Variants in BRCA2 observed in about 807,000 individuals in gnomAD.
BRCA2 encodes the protein BRCA2 DNA repair associated, also known as breast cancer type 2 susceptibility protein.
A neutral mutation model predicts 276.7 loss-of-function variants in BRCA2; 203 were observed. The ratio of observed to expected loss-of-function variants is 0.73; its 90% CI spans 0.65 to 0.82. The LOEUF is 0.82. Ranked by LOEUF, BRCA2 falls within the 40% of genes least tolerant of loss-of-function variation. The pLI is 0.00. For synonymous variants in BRCA2, 1,289 were observed against 1,338.4 expected, an observed-to-expected ratio of 0.96 and a Z score of 0.81; for missense variants, 3,920 against 3,915.0, an observed-to-expected ratio of 1.00 and a Z score of -0.03.
intron 18 of BRCA2, among the ~76,000 whole-genome samples, chr13:32,365,304 C>T (rs1329850209): frequency 2.7e-5 from 4 of 150,920 alleles, no homozygotes; most frequent in Non-Finnish European, 5.9e-5. Context: ...ACCTGGCCTG[C>T]GGTGCTGTTT....
Position 32,363,368 on chromosome 13 carries a change from A to C in BRCA2, c.8166A>C (p.Thr2722=), listed in dbSNP as rs786201640. 1.9e-6 allele frequency: 3 copies of C among 1,614,194 alleles called. No homozygotes were observed. The highest frequency in any genetic ancestry group is 2.5e-6 in the Non-Finnish European group (3 of 1,180,030). The change falls in exon 18 of 27, where the codon ACA becomes ACC. Residue 2722 remains threonine (T), a synonymous_variant. Coordinates refer to ENST00000380152, the MANE Select transcript of BRCA2 (RefSeq NM_000059.4). ...DTQKVAIIEL[T]DGWYAVKAQL... ...AAAAAGTGGCCATTATTGAACTTAC[A>C]GATGGGTGGTATGCTGTTAAGGCCC... is the stretch of plus-strand genomic sequence containing the variant.
At chr13:32,324,955 A>G (rs1464345712) in intron 3 of BRCA2, 121 bp from the exon 4 acceptor site, 1 of 711,326 alleles carries the variant, frequency 1.4e-6, no homozygotes. Context: ...CTCTTCTTAC[A>G]ACTCCCTATA....
intron 21 of BRCA2, 43 bp downstream of exon 21, chr13:32,376,834 C>T (rs1336175795): frequency 1.9e-6 from 3 of 1,609,620 alleles, no homozygotes; most frequent in African/African-American, 1.3e-5. Context: ...GATGATTATT[C>T]AAGGTGAGAA....
chr13:32,398,113 TTA>T, intron 26 of BRCA2, 47 bp from the exon 27 acceptor site: 1 of 1,553,278 alleles, frequency 6.4e-7, no homozygotes, highest in Non-Finnish European at 8.7e-7. Context: ...ATTTAGTTTT[TTA>T]TGTTACTACA....
At chr13:32,327,981 C>T (rs546129217) in intron 7 of BRCA2, among the ~76,000 whole-genome samples, 5 of 151,920 alleles carry the variant, frequency 3.3e-5, no homozygotes, top group South Asian at 4.2e-4. Context: ...AGATGGGTCC[C>T]GCCATGTTGC....
chr13:32,362,901 C>T (rs1469378963), intron 17 of BRCA2, among the ~76,000 whole-genome samples: 1 of 152,164 alleles, frequency 6.6e-6, no homozygotes, highest in Non-Finnish European at 1.5e-5. Flanking sequence ...TCCCCACCCC[C>T]TCCTTAACCT....
intron 3 of BRCA2, among the ~76,000 whole-genome samples, chr13:32,321,950 A>T (rs1271994460): frequency 6.6e-6 from 1 of 151,446 alleles, no homozygotes; most frequent in Non-Finnish European, 1.5e-5. Flanking sequence ...TTTTTTTTTT[A>T]AATAGCCGAG....
rs80358719 is a variant in BRCA2 at position 32,339,288 on chromosome 13, A to G, written c.4933A>G (p.Lys1645Glu). ...AGTTAAAGTACATGAAAATGTAGAAAAAGAAACAGCAAAAAGTCCTGCAAC... is the reference window on the plus strand; with the variant it reads ...AGTTAAAGTACATGAAAATGTAGAAGAAGAAACAGCAAAAAGTCCTGCAAC... The part of the protein sequence containing the change: ...LKVKVHENVE[K>E]ETAKSPATCY... Residue 1645 changes from lysine to glutamate, a missense_variant, in exon 11 of 27, where the codon AAA becomes GAA. Coordinates refer to ENST00000380152, the MANE Select transcript of BRCA2 (RefSeq NM_000059.4). 7 of 1,606,668 alleles carry G rather than the reference A, an allele frequency of 4.4e-6. No homozygotes were observed. Among genetic ancestry groups the G allele is most frequent in the Non-Finnish European group, 5.9e-6 (7 of 1,177,868 alleles).
intron 11 of BRCA2, among the ~76,000 whole-genome samples, chr13:32,341,758 C>T (rs1475333474): frequency 1.3e-5 from 2 of 150,972 alleles, no homozygotes; most frequent in Non-Finnish European, 3.0e-5. Context: ...GTCCCAGCTA[C>T]TTGGGAGGCT....
chr13:32,337,849 A>G lies in BRCA2; in HGVS notation c.3494A>G (p.His1165Arg), dbSNP rs587782201. ...TSEECRDADLHVIMNAPSIGQ... is the reference protein window; with the variant it reads ...TSEECRDADLRVIMNAPSIGQ... ...GAGGAATGCAGAGATGCTGATCTTC[A>G]TGTCATAATGAATGCCCCATCGATT... Residue 1165 changes from histidine (H) to arginine (R), a missense_variant, in exon 11 of 27, where the codon CAT becomes CGT. By Grantham distance (29) the His-to-Arg change is conservative. Transcript: ENST00000380152. The G allele has an allele frequency of 1.1e-5, 18 of 1,613,974 alleles. No homozygotes were observed. Among genetic ancestry groups the G allele is most frequent in the Admixed American group, 1.7e-5 (1 of 60,002 alleles).
chr13:32,385,623 G>C (rs1459507969), intron 24 of BRCA2: 3 of 259,166 alleles, frequency 1.2e-5, no homozygotes, highest in African/African-American at 6.9e-5. Flanking sequence ...ACAGAGAAAA[G>C]GTAGACAAAA....
chr13:32,365,742 T>TTA (rs60220832), intron 18 of BRCA2, among the ~76,000 whole-genome samples: 3 of 144,130 alleles, frequency 2.1e-5, no homozygotes, highest in Admixed American at 6.9e-5. Flanking sequence ...TTTTTTTTTT[T>TTA]AACTTTTTTT....
intron 18 of BRCA2, among the ~76,000 whole-genome samples, chr13:32,365,669 C>G (rs1246683297): frequency 6.6e-6 from 1 of 151,120 alleles, no homozygotes; most frequent in Non-Finnish European, 1.5e-5. Context: ...TGAGCCACCA[C>G]GCCCAGCCTG....
chr13:32,383,374 G>C (rs775469571), intron 24 of BRCA2, among the ~76,000 whole-genome samples: 8 of 151,928 alleles, frequency 5.3e-5, no homozygotes, highest in Admixed American at 2.6e-4. Context: ...GAAAGAAAAG[G>C]GTGTTGAAGG....
rs1555284436 is a variant in BRCA2 at position 32,340,227 on chromosome 13, T to C, written c.5872T>C (p.Cys1958Arg). ...CDVSLETSDI[C>R]KCSIGKLHKS... Reference sequence around the variant, plus strand: ...TGTTAGTTTGGAAACTTCAGATATATGTAAATGTAGTATAGGGAAGCTTCA... The same window carrying C: ...TGTTAGTTTGGAAACTTCAGATATACGTAAATGTAGTATAGGGAAGCTTCA... The change falls in exon 11 of 27, where the codon TGT (cysteine) becomes CGT (arginine). Residue 1958 changes from cysteine (C) to arginine (R), a missense_variant. Transcript: ENST00000380152. 1 of 1,613,966 alleles carries C rather than the reference T, an allele frequency of 6.2e-7. No individual in the cohort carries two copies. The highest frequency in any genetic ancestry group is 8.5e-7 in the Non-Finnish European group (1 of 1,179,894).
chr13:32,351,128 C>G (rs541595222), intron 13 of BRCA2, among the ~76,000 whole-genome samples: 23 of 152,336 alleles, frequency 1.5e-4, no homozygotes, highest in African/African-American at 5.1e-4. Flanking sequence ...CTCGGCTCCA[C>G]TTCCATGCCA....
At chr13:32,385,635 G>T in intron 24 of BRCA2, 1 of 252,504 alleles carries the variant, frequency 4.0e-6, no homozygotes, top group Non-Finnish European at 7.7e-6. Flanking sequence ...TAGACAAAAT[G>T]ATAAGATCAC....
chr13:32,339,378 TGTA>T lies in BRCA2; in HGVS notation c.5028_5030del (p.Ser1676del), dbSNP rs431825326. 1.3e-6 allele frequency: 2 copies of T among 1,594,550 alleles called. No homozygotes were observed. Among genetic ancestry groups the T allele is most frequent in the African/African-American group, 1.4e-5 (1 of 73,876 alleles). On this transcript the variant is annotated inframe_deletion, in exon 11 of 27. Coordinates refer to ENST00000380152, the MANE Select transcript of BRCA2 (RefSeq NM_000059.4). ...TTCAGCCTTAGCTTTTTACACAAGT[TGTA>T]GTAGAAAAACTTCTGTGAGTCAGAC... is the stretch of plus-strand genomic sequence containing the variant.
rs1165204072 is a variant in BRCA2 at position 32,338,443 on chromosome 13, A to G, written c.4088A>G (p.Asn1363Ser). ...GACTTGCTATTTACTGATCAGCACAACATATGTCTTAAATTATCTGGCCAG... is the reference window on the plus strand; with the variant it reads ...GACTTGCTATTTACTGATCAGCACAGCATATGTCTTAAATTATCTGGCCAG... ...ETDLLFTDQH[N>S]ICLKLSGQFM... The change falls in exon 11 of 27, where the codon AAC becomes AGC. Residue 1363 changes from asparagine to serine, a missense_variant. Asn to Ser is a conservative substitution (Grantham distance 46, BLOSUM62 1). Transcript: ENST00000380152. 1.2e-6 allele frequency: 2 copies of G among 1,611,908 alleles called. No homozygotes were observed. Among genetic ancestry groups the G allele is most frequent in the Admixed American group, 3.4e-5 (2 of 59,650 alleles).
Sources: allele counts gnomAD v4.1 joint callset (sites outside exome capture counted in the v4.1 genomes callset), GRCh38; gene constraint gnomAD v4.1.1; transcripts MANE v1.5; gene names NCBI Gene and HGNC (gene_info 2026-07-23, HGNC 2026-07-21).